The following ASGR2 variants were observed in gnomAD, a reference collection of about 807,000 sequenced individuals.
ASGR2 encodes the protein C-type lectin domain family 4 member H2.
ASGR2 carries 34 observed loss-of-function variants against 32.3 expected under a neutral mutation model. The observed-to-expected ratio is 1.05, with a 90% CI of 0.80 to 1.40. The LOEUF (loss-of-function observed/expected upper bound fraction) is 1.40. Among genes scored for constraint, ASGR2 ranks in the 40% most tolerant of loss-of-function variants. The pLI, the probability that ASGR2 is intolerant of heterozygous loss-of-function variation, is 0.00. For synonymous variants in ASGR2, 143 were observed against 150.0 expected, an observed-to-expected ratio of 0.95 and a Z score of 0.34; for missense variants, 385 against 386.4, an observed-to-expected ratio of 1.00 and a Z score of 0.03.
intron 7 of ASGR2, among the ~76,000 whole-genome samples, chr17:7,103,974 G>C (rs182361099): frequency 1.4e-5 from 2 of 142,680 alleles, no homozygotes; most frequent in East Asian, 4.1e-4. Flanking sequence ...ATTTTAAAAA[G>C]AATGACATAA....
Position 7,114,541 on chromosome 17 carries a change from C to A in ASGR2, c.-71+74G>T. 2 of 1,178,394 alleles carry A rather than the reference C, an allele frequency of 1.7e-6. No homozygotes were observed. The highest frequency in any genetic ancestry group is 2.3e-5 in the South Asian group (1 of 42,754). The allele number at this position is 1,178,394 out of a possible 1,614,324, so 73.0% of individuals were successfully genotyped here. A position where few individuals can be genotyped will look rare whatever the true frequency, so the allele number is the denominator to read the frequency against. On this transcript the variant is annotated intron_variant, in intron 1 of 8. Coordinates refer to ENST00000691900, the MANE Select transcript of ASGR2 (RefSeq NM_001201352.2). The surrounding 1 kb of genome is among the most constrained non-coding windows in gnomAD (Gnocchi z 4.5). ...GACCACCCACAGCTTCCCATGGGGT[C>A]CTCCCCATCCCTGAACCAAGGCCTC... is the stretch of plus-strand genomic sequence containing the variant.
Position 7,114,095 on chromosome 17 carries a change from G to A in ASGR2, c.124+22C>T, listed in dbSNP as rs773523172. Reference sequence around the variant, plus strand: ...TGAGCTGAGACAGAGGGGGAGCAAAGCCGCAGAAACTGCACACTTGCCTTT... The same window carrying A: ...TGAGCTGAGACAGAGGGGGAGCAAAACCGCAGAAACTGCACACTTGCCTTT... On this transcript the variant is annotated intron_variant, in intron 2 of 8. Coordinates refer to ENST00000691900, the MANE Select transcript of ASGR2 (RefSeq NM_001201352.2). The surrounding 1 kb of genome is among the most constrained non-coding windows in gnomAD (Gnocchi z 4.5). The A allele has an allele frequency of 2.5e-6, 4 of 1,613,738 alleles. No individual in the cohort carries two copies. The Admixed American group carries it at 6.7e-5, about 27-fold the overall frequency.
intron 7 of ASGR2, among the ~76,000 whole-genome samples, chr17:7,103,750 C>T (rs1197996021): frequency 5.3e-5 from 8 of 152,160 alleles, no homozygotes; most frequent in East Asian, 3.9e-4. Flanking sequence ...AGCCTTGTTT[C>T]GGAATATGAG....
rs482087 is a variant in ASGR2, at chr17:7,113,092, G to A, written c.124+1025C>T. Among the ~76,000 whole-genome samples the A allele has an allele frequency of 0.57, 86,049 of 151,686 alleles. 24,590 individuals carry two copies. Among genetic ancestry groups the A allele is most frequent in the Middle Eastern group, 0.63 (186 of 294 alleles). ...GAGGATGGCTTGAGCCCAGGAGTTC[G>A]AGGTTGCAGTGAGCTATGATCCTGC... On this transcript the variant is annotated intron_variant, in intron 2 of 8. Transcript: ENST00000691900. The surrounding 1 kb of genome is among the most constrained non-coding windows in gnomAD (Gnocchi z 5.1).
chr17:7,113,330 ACACACACT>A lies in ASGR2; in HGVS notation c.124+779_124+786del, dbSNP rs1914962670. 4.2e-5 allele frequency among the ~76,000 whole-genome samples: 6 copies of A among 143,940 alleles called. No homozygotes were observed. Among genetic ancestry groups the A allele is most frequent in the Admixed American group, 4.1e-4 (6 of 14,472 alleles). The allele number at this position is 143,940 out of a possible 152,430, so 94.4% of individuals were successfully genotyped here. A position where few individuals can be genotyped will look rare whatever the true frequency, so the allele number is the denominator to read the frequency against. On this transcript the variant is annotated intron_variant, in intron 2 of 8. Coordinates refer to ENST00000691900, the MANE Select transcript of ASGR2 (RefSeq NM_001201352.2). This position sits in a 1 kb window ranked among gnomAD's most constrained non-coding sequence, Gnocchi z 5.1. ...CATACAATCACATACACACACTAAC[ACACACACT>A]CACGCAACACACTCACACACACAAC...
intron 8 of ASGR2, 81 bp downstream of exon 8, chr17:7,102,009 A>G (rs757725282): frequency 3.2e-5 from 44 of 1,393,424 alleles, no homozygotes; most frequent in Non-Finnish European, 4.4e-5. Context: ...CTGAGGGACG[A>G]GTCAGGGTAG....
In ASGR2 at chr17:7,108,380, C is replaced by T; in HGVS notation, c.337+82G>A. ...GCCCAGCCTGCACCCCCACGGCACCCCACACAGCCCTGTTGCAGACTCGGC... is the reference window on the plus strand; with the variant it reads ...GCCCAGCCTGCACCCCCACGGCACCTCACACAGCCCTGTTGCAGACTCGGC... On this transcript the variant is annotated intron_variant, in intron 4 of 8. Coordinates refer to ENST00000691900, the MANE Select transcript of ASGR2 (RefSeq NM_001201352.2). The surrounding 1 kb of genome is among the most constrained non-coding windows in gnomAD (Gnocchi z 4.9). The T allele has an allele frequency of 7.0e-7, 1 of 1,428,414 alleles. No homozygotes were observed. Among genetic ancestry groups the T allele is most frequent in the South Asian group, 1.3e-5 (1 of 74,906 alleles). The allele number at this position is 1,428,414 out of a possible 1,614,324, so 88.5% of individuals were successfully genotyped here.
intron 7 of ASGR2, among the ~76,000 whole-genome samples, chr17:7,104,392 C>T (rs1913321980): frequency 6.8e-6 from 1 of 145,996 alleles, no homozygotes; most frequent in Non-Finnish European, 1.5e-5. Flanking sequence ...TGGCTCATGC[C>T]TGTAATCCTA....
At position 7,114,167 on chromosome 17, in the gene ASGR2, C is replaced by A. The variant is rs1915169840; in HGVS notation, c.74G>T (p.Gly25Val). The stretch of plus-strand genomic sequence containing the variant: ...GGGATTCAGCCTGCGAGTGCCTGGC[C>A]CCTCACCTTGATGGAAAGGATGGTC... The part of the protein sequence containing the change: ...ENDHPFHQGE[G>V]PGTRRLNPRR... Residue 25 changes from glycine to valine, a missense_variant, in exon 2 of 9, where the codon GGG becomes GTG. Gly to Val is a moderately radical substitution (Grantham distance 109). Transcript: ENST00000691900. This position sits in a 1 kb window ranked among gnomAD's most constrained non-coding sequence, Gnocchi z 4.5. The A allele has an allele frequency of 6.2e-7, 1 of 1,614,042 alleles. No homozygotes were observed. Among genetic ancestry groups the A allele is most frequent in the African/African-American group, 1.3e-5 (1 of 74,902 alleles).
Position 7,108,624 on chromosome 17 carries a change from T to C in ASGR2, c.242-67A>G. The stretch of plus-strand genomic sequence containing the variant: ...GTGTCCCCATCACTGTCCATGTGAC[T>C]GGCCCCTCAATGTCCCCGCATTTGC... On this transcript the variant is annotated intron_variant, in intron 3 of 8. Transcript: ENST00000691900. The surrounding 1 kb of genome is among the most constrained non-coding windows in gnomAD (Gnocchi z 4.9). The C allele has an allele frequency of 6.2e-7, 1 of 1,600,444 alleles. No individual in the cohort carries two copies. The highest frequency in any genetic ancestry group is 1.3e-5 in the African/African-American group (1 of 74,830).
rs749227537 is a variant in ASGR2 at position 7,107,203 on chromosome 17, C to G, written c.496+28G>C. On this transcript the variant is annotated intron_variant, in intron 6 of 8. Coordinates refer to ENST00000691900, the MANE Select transcript of ASGR2 (RefSeq NM_001201352.2). The surrounding 1 kb of genome is among the most constrained non-coding windows in gnomAD (Gnocchi z 5.0). ...AGATCCAGCCGGAGGGGCAGGCACA[C>G]TGGGCCTGGAGACGGCCCCACCCCT... 1 of 1,614,090 alleles carries G rather than the reference C, an allele frequency of 6.2e-7. No homozygotes were observed. Among genetic ancestry groups the G allele is most frequent in the African/African-American group, 1.3e-5 (1 of 74,940 alleles).
intron 7 of ASGR2, among the ~76,000 whole-genome samples, chr17:7,105,605 G>A (rs1913559905): frequency 6.6e-6 from 1 of 152,004 alleles, no homozygotes; most frequent in Non-Finnish European, 1.5e-5. Context: ...GTTGAGCCCG[G>A]GAGGCACAGG....
At chr17:7,105,242 T>C (rs1913493310) in intron 7 of ASGR2, among the ~76,000 whole-genome samples, 1 of 151,894 alleles carries the variant, frequency 6.6e-6, no homozygotes, top group Non-Finnish European at 1.5e-5. Context: ...CACATAGCAA[T>C]TGTAAGAAAA....
chr17:7,102,032 G>T, intron 8 of ASGR2, 58 bp downstream of exon 8: 5 of 1,537,796 alleles, frequency 3.3e-6, no homozygotes, highest in South Asian at 1.1e-5. Context: ...TGGAGTGAAA[G>T]GCCAGGGGGC....
chr17:7,108,093 G>A lies in ASGR2; in HGVS notation c.338-186C>T, dbSNP rs1366349934. ...ACTCTCCTGCTTCAGTCCCTTCAAT[G>A]GGTCCCCATTTTCTCAAAATAAAGC... On this transcript the variant is annotated intron_variant, in intron 4 of 8. Transcript: ENST00000691900. This position sits in a 1 kb window ranked among gnomAD's most constrained non-coding sequence, Gnocchi z 4.9. Among the ~76,000 whole-genome samples the A allele has an allele frequency of 6.6e-6, 1 of 152,098 alleles. No homozygotes were observed. The highest frequency in any genetic ancestry group is 1.9e-4 in the East Asian group (1 of 5,186).
rs367953 is a variant in ASGR2, at chr17:7,113,665, A to T, written c.124+452T>A. On this transcript the variant is annotated intron_variant, in intron 2 of 8. Coordinates refer to ENST00000691900, the MANE Select transcript of ASGR2 (RefSeq NM_001201352.2). The surrounding 1 kb of genome is among the most constrained non-coding windows in gnomAD (Gnocchi z 5.1). ...CACACAACATACACTCACACACAAG[A>T]TACACACAACATATACTCACACAAC... 0.59 allele frequency among the ~76,000 whole-genome samples: 89,818 copies of T among 151,242 alleles called. 26,710 individuals are homozygous for T. Among genetic ancestry groups the T allele is most frequent in the Admixed American group, 0.65 (9,825 of 15,220 alleles).
In ASGR2 at chr17:7,113,609, A is replaced by G. The variant is rs1334724644; in HGVS notation, c.124+508T>C. 6.6e-6 allele frequency among the ~76,000 whole-genome samples: 1 copy of G among 151,632 alleles called. No homozygotes were observed. The highest frequency in any genetic ancestry group is 1.5e-5 in the Non-Finnish European group (1 of 67,866). On this transcript the variant is annotated intron_variant, in intron 2 of 8. Coordinates refer to ENST00000691900, the MANE Select transcript of ASGR2 (RefSeq NM_001201352.2). The surrounding 1 kb of genome is among the most constrained non-coding windows in gnomAD (Gnocchi z 5.1). ...CACATACACAACATACACTCGCACA[A>G]CATACACACATGCACAAGATACACA...
At position 7,107,736 on chromosome 17, in the gene ASGR2, C is replaced by A; in HGVS notation, c.409+100G>T. 7.3e-7 allele frequency: 1 copy of A among 1,360,916 alleles called. No homozygotes were observed. 84.3% of individuals were successfully genotyped at this position (1,360,916 alleles called of 1,614,324 possible). On this transcript the variant is annotated intron_variant, in intron 5 of 8. Transcript: ENST00000691900. The surrounding 1 kb of genome is among the most constrained non-coding windows in gnomAD (Gnocchi z 5.0). The stretch of plus-strand genomic sequence containing the variant: ...GCTTGCAGGCACACACACGCACGCA[C>A]GCACACGTGCACACTACACACACCG...
Position 7,108,430 on chromosome 17 carries a change from A to G in ASGR2, c.337+32T>C, listed in dbSNP as rs748477536. 2 of 1,558,130 alleles carry G rather than the reference A, an allele frequency of 1.3e-6. No individual in the cohort carries two copies. Among genetic ancestry groups the G allele is most frequent in the Non-Finnish European group, 8.7e-7 (1 of 1,149,732 alleles). On this transcript the variant is annotated intron_variant, in intron 4 of 8. Coordinates refer to ENST00000691900, the MANE Select transcript of ASGR2 (RefSeq NM_001201352.2). The surrounding 1 kb of genome is among the most constrained non-coding windows in gnomAD (Gnocchi z 4.9). ...CACTGAGCCCAGCAAACCTGTGCGGATAAATGAGAACCCAGCCGTCCAGCC... is the reference window on the plus strand; with the variant it reads ...CACTGAGCCCAGCAAACCTGTGCGGGTAAATGAGAACCCAGCCGTCCAGCC...
Sources: allele counts gnomAD v4.1 joint callset (sites outside exome capture counted in the v4.1 genomes callset), GRCh38; gene constraint gnomAD v4.1.1; non-coding constraint Gnocchi (gnomAD v3.1); transcripts MANE v1.5; gene names NCBI Gene and HGNC (gene_info 2026-07-23, HGNC 2026-07-21).